Variants in CFAP97 observed in about 807,000 individuals in gnomAD.
The protein encoded by CFAP97 is cilia- and flagella-associated protein 97.
CFAP97 carries 36 observed loss-of-function variants against 43.1 expected under a neutral mutation model. That is an observed-to-expected ratio of 0.84 (90% CI 0.64 to 1.10). The LOEUF (loss-of-function observed/expected upper bound fraction) is 1.10, where lower values mean the gene tolerates loss of function less well. Ranked by LOEUF, CFAP97 falls within the 50% of genes least tolerant of loss-of-function variation. The pLI, the probability that CFAP97 is intolerant of heterozygous loss-of-function variation, is 0.00. For missense variants in CFAP97, 657 were observed against 620.3 expected (o/e 1.06, Z -0.63); for synonymous variants, 228 against 225.7 (o/e 1.01, Z -0.09).
intron 1 of CFAP97, among the ~76,000 whole-genome samples, chr4:185,191,535 C>CA (rs1736255086): frequency 6.6e-6 from 1 of 152,030 alleles, no homozygotes; most frequent in East Asian, 1.9e-4. Context: ...TTAAGTACAA[C>CA]AAAACAAAGA....
rs527912253 is a variant in CFAP97, at chr4:185,186,044, G to C, written c.1054+4099C>G. ...TATACATTAAAAATCAATCAAGAAA[G>C]ATCAATATGTTTTAACATAACAGAC... On this transcript the variant is annotated intron_variant, in intron 2 of 4. Coordinates refer to ENST00000458385, the MANE Select transcript of CFAP97 (RefSeq NM_020827.3). Among the ~76,000 whole-genome samples the C allele has an allele frequency of 2.0e-5, 3 of 152,232 alleles. No individual in the cohort carries two copies. In the East Asian group the frequency reaches 5.8e-4, roughly 29 times the overall value.
At chr4:185,174,465 G>A (rs189947111) in intron 3 of CFAP97, among the ~76,000 whole-genome samples, 53 of 152,228 alleles carry the variant, frequency 3.5e-4, no homozygotes, top group African/African-American at 1.1e-3. Flanking sequence ...CCCAACTCTT[G>A]GGGTTAGTAT....
intron 1 of CFAP97, among the ~76,000 whole-genome samples, chr4:185,201,304 C>G (rs527964120): frequency 7.7e-6 from 1 of 129,450 alleles, no homozygotes; most frequent in Non-Finnish European, 1.5e-5. Flanking sequence ...CCAGCCCAGG[C>G]GACAGAGCAA....
In CFAP97 at chr4:185,162,743, T is replaced by G. The variant is rs1421627852; in HGVS notation, c.*55A>C. ...GTTTACACAGAGAATTATAGGAATA[T>G]GCACGAGCACTTCAAGAAAAGTTGT... On this transcript the variant is annotated 3_prime_UTR_variant, in exon 5 of 5. Transcript: ENST00000458385. The G allele has an allele frequency of 1.9e-6, 3 of 1,560,106 alleles. No homozygotes were observed. Among genetic ancestry groups the G allele is most frequent in the Non-Finnish European group, 2.6e-6 (3 of 1,140,450 alleles).
At chr4:185,165,209 G>A (rs1472729433) in intron 3 of CFAP97, among the ~76,000 whole-genome samples, 4 of 152,202 alleles carry the variant, frequency 2.6e-5, no homozygotes, top group African/African-American at 7.2e-5. Flanking sequence ...GCACTTTGGG[G>A]AGCCCGGGGC....
At chr4:185,171,208 T>A (rs1735290270) in intron 3 of CFAP97, among the ~76,000 whole-genome samples, 1 of 151,992 alleles carries the variant, frequency 6.6e-6, no homozygotes, top group South Asian at 2.1e-4. Context: ...GAATTTAAAA[T>A]TTGCTAATGA....
chr4:185,208,520 G>A (rs1262310453), upstream of CFAP97, among the ~76,000 whole-genome samples: 1 of 151,798 alleles, frequency 6.6e-6, no homozygotes, highest in African/African-American at 2.4e-5. Flanking sequence ...ACGAGGTCAG[G>A]AGATTGAGAC....
intron 1 of CFAP97, among the ~76,000 whole-genome samples, chr4:185,202,303 C>A (rs1736880569): frequency 1.3e-5 from 2 of 152,166 alleles, no homozygotes; most frequent in Non-Finnish European, 2.9e-5. Flanking sequence ...ATGCCTGTAA[C>A]TTTGGGAGGC....
At chr4:185,209,857 G>A, upstream of CFAP97, 2 of 983,294 alleles carry the variant, frequency 2.0e-6, no homozygotes, top group Non-Finnish European at 2.4e-6. This position sits in a 1 kb window ranked among gnomAD's most constrained non-coding sequence, Gnocchi z 5.2. Flanking sequence ...CAGTGGCGGC[G>A]CCGGCCCCAG....
intron 4 of CFAP97, among the ~76,000 whole-genome samples, chr4:185,163,349 A>ACT (rs1409577067): frequency 5.3e-5 from 8 of 151,920 alleles, no homozygotes; most frequent in African/African-American, 1.9e-4. Flanking sequence ...AGAGTTGAAG[A>ACT]CTCACGAGGG....
chr4:185,177,397 A>T (rs1735594784), intron 2 of CFAP97, among the ~76,000 whole-genome samples: 1 of 144,406 alleles, frequency 6.9e-6, no homozygotes, highest in Non-Finnish European at 1.5e-5. Context: ...TGAGCAACAG[A>T]GTAAGACTCT....
chr4:185,182,583 C>T (rs564455533), intron 2 of CFAP97: 27 of 152,298 alleles, frequency 1.8e-4, no homozygotes, highest in African/African-American at 6.5e-4. Flanking sequence ...CAATCTCCTC[C>T]TACAAATAGA....
In CFAP97 at chr4:185,187,984, C is replaced by A. The variant is rs542973684; in HGVS notation, c.1054+2159G>T. ...TGATCTCGGCTAACTGCAACCTCCA[C>A]CTCCTGGGTTCAAGCAATTCTCCTG... On this transcript the variant is annotated intron_variant, in intron 2 of 4. Coordinates refer to ENST00000458385, the MANE Select transcript of CFAP97 (RefSeq NM_020827.3). Among the ~76,000 whole-genome samples, 11 of 152,114 alleles carry A rather than the reference C, an allele frequency of 7.2e-5. No homozygotes were observed. In the South Asian group the frequency reaches 2.3e-3, roughly 32 times the overall value.
chr4:185,198,789 C>CAAAAAAAAAAA (rs58603330), intron 1 of CFAP97, among the ~76,000 whole-genome samples: 6 of 124,274 alleles, frequency 4.8e-5, no homozygotes, highest in East Asian at 2.6e-4. Context: ...AACTCCATCT[C>CAAAAAAAAAAA]AAAAAAAAGA....
intron 2 of CFAP97, among the ~76,000 whole-genome samples, chr4:185,187,340 CTG>C (rs1461307858): frequency 6.6e-6 from 1 of 152,084 alleles, no homozygotes; most frequent in African/African-American, 2.4e-5. Context: ...TATTATGTGC[CTG>C]TATTTGGAAA....
Position 185,190,190 on chromosome 4 carries a change from T to C in CFAP97, c.1007A>G (p.Lys336Arg). The C allele has an allele frequency of 6.2e-7, 1 of 1,604,244 alleles. No homozygotes were observed. Among genetic ancestry groups the C allele is most frequent in the Non-Finnish European group, 8.5e-7 (1 of 1,176,544 alleles). Residue 336 changes from lysine (K) to arginine (R), a missense_variant, in exon 2 of 5, where the codon AAA becomes AGA. Transcript: ENST00000458385. ...CATTGTGTCATGTAAGACTTTCTGTTTATGTCTGTGGTCTAAACTGGAGTC... is the reference window on the plus strand; with the variant it reads ...CATTGTGTCATGTAAGACTTTCTGTCTATGTCTGTGGTCTAAACTGGAGTC... The part of the protein sequence containing the change: ...VLDSSLDHRH[K>R]QKVLHDTMDL...
chr4:185,167,782 G>T (rs1343080008), intron 3 of CFAP97, among the ~76,000 whole-genome samples: 10 of 151,998 alleles, frequency 6.6e-5, no homozygotes. Flanking sequence ...ATTACTTGAG[G>T]TAAGGAGTTC....
At chr4:185,186,651 T>C (rs541500743) in intron 2 of CFAP97, among the ~76,000 whole-genome samples, 1 of 152,336 alleles carries the variant, frequency 6.6e-6, no homozygotes, top group South Asian at 2.1e-4. Flanking sequence ...TGCTAGTGAT[T>C]AGCAAAAATC....
rs1734886637 is a variant in CFAP97, at chr4:185,161,907, G to C, written c.*891C>G. 6.6e-6 allele frequency: 1 copy of C among 152,054 alleles called. No individual in the cohort carries two copies. The highest frequency in any genetic ancestry group is 6.5e-5 in the Admixed American group (1 of 15,268). The allele number at this position is 152,054 out of a possible 1,614,324, so 9.4% of individuals were successfully genotyped here. A position where few individuals can be genotyped will look rare whatever the true frequency, so the allele number is the denominator to read the frequency against. ...CTTCTCTAATAACATAATAAATACT[G>C]AATTACCTAAAACACTGTCCGACAC... On this transcript the variant is annotated 3_prime_UTR_variant, in exon 5 of 5. Transcript: ENST00000458385.
Sources: allele counts gnomAD v4.1 joint callset (sites outside exome capture counted in the v4.1 genomes callset), GRCh38; gene constraint gnomAD v4.1.1; non-coding constraint Gnocchi (gnomAD v3.1); transcripts MANE v1.5; gene names NCBI Gene and HGNC (gene_info 2026-07-23, HGNC 2026-07-21).